ATP9B: variants seen among roughly 807,000 people sequenced by gnomAD.
The protein encoded by ATP9B is probable phospholipid-transporting ATPase IIB.
In ATP9B, 110 loss-of-function variants were observed where a neutral mutation model predicts 146.1. That is an observed-to-expected ratio of 0.75 (90% confidence interval 0.65 to 0.88). The LOEUF is 0.88. Ranked by LOEUF, ATP9B falls within the 40% of genes least tolerant of loss-of-function variation. The pLI, the probability that ATP9B is intolerant of heterozygous loss-of-function variation, is 0.00. For synonymous variants in ATP9B, 604 were observed against 569.7 expected (o/e 1.06, Z -0.86); for missense variants, 1,499 against 1,496.4 (o/e 1.00, Z -0.03).
At chr18:79,325,773 C>T (rs569790684) in intron 15 of ATP9B, among the ~76,000 whole-genome samples, 1 of 152,304 alleles carries the variant, frequency 6.6e-6, no homozygotes, top group East Asian at 1.9e-4. Flanking sequence ...CCGGCACTCC[C>T]CACTTGCACG....
At chr18:79,075,972 A>C (rs2072564751) in intron 1 of ATP9B, among the ~76,000 whole-genome samples, 1 of 152,206 alleles carries the variant, frequency 6.6e-6, no homozygotes, top group Non-Finnish European at 1.5e-5. Context: ...ATTACATTAC[A>C]TATACATAAC....
intron 11 of ATP9B, among the ~76,000 whole-genome samples, chr18:79,225,259 C>T (rs904265832): frequency 6.6e-6 from 1 of 152,170 alleles, no homozygotes; most frequent in South Asian, 2.1e-4. Flanking sequence ...ACCAAACGCT[C>T]TCTTTTACAA....
chr18:79,170,794 A>G (rs1001575959), intron 7 of ATP9B, among the ~76,000 whole-genome samples: 1 of 152,242 alleles, frequency 6.6e-6, no homozygotes, highest in Non-Finnish European at 1.5e-5. Context: ...AGCATTCGCC[A>G]GTATAATACT....
intron 12 of ATP9B, 28 bp from the exon 13 acceptor site, chr18:79,277,022 CACTA>C (rs749853284): frequency 5.0e-6 from 8 of 1,613,498 alleles, no homozygotes; most frequent in Non-Finnish European, 6.8e-6. Flanking sequence ...CTCTGGATCA[CACTA>C]ACCACTGCAA....
intron 13 of ATP9B, among the ~76,000 whole-genome samples, chr18:79,287,721 T>C (rs1187945191): frequency 2.0e-5 from 3 of 152,210 alleles, no homozygotes; most frequent in African/African-American, 7.2e-5. Context: ...GGTGTCACTT[T>C]AGGATCTTTC....
intron 9 of ATP9B, among the ~76,000 whole-genome samples, chr18:79,204,589 C>T (rs1234474457): frequency 1.3e-5 from 2 of 152,124 alleles, no homozygotes; most frequent in Non-Finnish European, 2.9e-5. Context: ...CTGCTAAGTT[C>T]AGGAAAGCAT....
intron 29 of ATP9B, 43 bp from the exon 30 acceptor site, chr18:79,377,204 T>C (rs758857195): frequency 6.2e-7 from 1 of 1,606,048 alleles, no homozygotes; most frequent in South Asian, 1.1e-5. Flanking sequence ...GGCCCAGGAC[T>C]TCTTGGTCAG....
chr18:79,195,730 G>A (rs1215867315), intron 9 of ATP9B, among the ~76,000 whole-genome samples: 1 of 152,222 alleles, frequency 6.6e-6, no homozygotes, highest in Non-Finnish European at 1.5e-5. Context: ...CATCTGAGAA[G>A]GGAGGACCGA....
At chr18:79,346,187 G>A (rs542508230) in intron 23 of ATP9B, among the ~76,000 whole-genome samples, 68 of 149,552 alleles carry the variant, frequency 4.5e-4, no homozygotes, top group Non-Finnish European at 8.3e-4. Flanking sequence ...CGTGCTCAGC[G>A]CACAGTCAGC....
At chr18:79,087,584 T>G (rs1353250726) in intron 1 of ATP9B, 2 of 152,264 alleles carry the variant, frequency 1.3e-5, no homozygotes, top group Non-Finnish European at 2.9e-5. Context: ...ATTAGACATG[T>G]TTTAAATCTA....
At chr18:79,253,264 G>T in intron 11 of ATP9B, 117 bp from the exon 12 acceptor site, 1 of 881,534 alleles carries the variant, frequency 1.1e-6, no homozygotes, top group South Asian at 1.9e-5. Flanking sequence ...TATAATAAAG[G>T]CTAATACCAA....
intron 7 of ATP9B, among the ~76,000 whole-genome samples, chr18:79,155,704 C>G (rs1202559219): frequency 6.9e-6 from 1 of 144,352 alleles, no homozygotes. Flanking sequence ...TTATAAACAA[C>G]ATACTTTTAG....
chr18:79,176,173 TA>T (rs780446798), intron 7 of ATP9B, among the ~76,000 whole-genome samples: 4 of 152,234 alleles, frequency 2.6e-5, no homozygotes, highest in Non-Finnish European at 5.9e-5. Flanking sequence ...TCTGTTATTA[TA>T]AATAATGCTG....
At chr18:79,074,517 G>C (rs1299603649) in intron 1 of ATP9B, among the ~76,000 whole-genome samples, 1 of 152,256 alleles carries the variant, frequency 6.6e-6, no homozygotes, top group Non-Finnish European at 1.5e-5. Context: ...TGTCGGTGCT[G>C]CCTGGCTCTC....
At position 79,230,871 on chromosome 18, in the gene ATP9B, G is replaced by A. The variant is rs142893991; in HGVS notation, c.1107+16833G>A. On this transcript the variant is annotated intron_variant, in intron 11 of 29. Coordinates refer to ENST00000426216, the MANE Select transcript of ATP9B (RefSeq NM_198531.5). ...CCAGAAATAAAGCCAAATACTTATA[G>A]TCAACTGATATACAACAACGCAAAC... Among the ~76,000 whole-genome samples the A allele has an allele frequency of 2.9e-3, 447 of 152,254 alleles. 1 individual carries two copies. Among genetic ancestry groups the A allele is most frequent in the African/African-American group, 0.01 (418 of 41,548 alleles).
intron 2 of ATP9B, among the ~76,000 whole-genome samples, chr18:79,106,916 C>T (rs1029260441): frequency 1.3e-5 from 2 of 152,046 alleles, no homozygotes; most frequent in East Asian, 1.9e-4. Context: ...TTTATAGTGT[C>T]GTTTGTCTGG....
At chr18:79,091,298 G>A (rs501653) in intron 1 of ATP9B, among the ~76,000 whole-genome samples, 20,462 of 152,092 alleles carry the variant, frequency 0.13, 1,447 homozygotes, top group East Asian at 0.2. Context: ...TTTTCAGATT[G>A]TTTTTTCTAT....
rs182241658 is a variant in ATP9B, at chr18:79,341,126, G to T, written c.2284-1142G>T. Among the ~76,000 whole-genome samples the T allele has an allele frequency of 2.0e-5, 3 of 152,346 alleles. No homozygotes were observed. In the East Asian group the frequency reaches 5.8e-4, roughly 29 times the overall value. ...CAAGTTCACATACTGTTTAATTGTG[G>T]TTGGATGTGTGTAGCGTGACCTCGT... is the stretch of plus-strand genomic sequence containing the variant. On this transcript the variant is annotated intron_variant, in intron 19 of 29. Coordinates refer to ENST00000426216, the MANE Select transcript of ATP9B (RefSeq NM_198531.5).
At chr18:79,352,464 C>CA (rs2147675787) in intron 25 of ATP9B, 1 of 152,292 alleles carries the variant, frequency 6.6e-6, no homozygotes, top group Admixed American at 6.5e-5. Context: ...TAATTAAATG[C>CA]AAAACACAAG....
Sources: allele counts gnomAD v4.1 joint callset (sites outside exome capture counted in the v4.1 genomes callset), GRCh38; gene constraint gnomAD v4.1.1; transcripts MANE v1.5; gene names NCBI Gene and HGNC (gene_info 2026-07-23, HGNC 2026-07-21).